MYLK: variants seen among roughly 807,000 people sequenced by gnomAD.
MYLK encodes the protein myosin light chain kinase.
In MYLK, 106 loss-of-function variants were observed where a neutral mutation model predicts 203.4. The observed-to-expected ratio is 0.52, with a 90% CI of 0.45 to 0.61. MYLK has a LOEUF of 0.61. Among genes scored for constraint, MYLK ranks in the 20% least tolerant of loss-of-function variants. The probability of loss-of-function intolerance (pLI) is 0.00; values close to 1 mark genes in which losing one functional copy is unlikely to be tolerated. For missense variants in MYLK, 2,072 were observed against 2,442.3 expected (o/e 0.85, Z 3.20); for synonymous variants, 867 against 959.5 (o/e 0.90, Z 1.78).
intron 2 of MYLK, among the ~76,000 whole-genome samples, chr3:123,856,865 C>G (rs1482617696): frequency 6.6e-6 from 1 of 151,926 alleles, no homozygotes; most frequent in Admixed American, 6.6e-5. Context: ...AAGCAACCTA[C>G]AAAATGGGAT....
At chr3:123,813,387 A>G (rs1329525598) in intron 3 of MYLK, among the ~76,000 whole-genome samples, 1 of 152,180 alleles carries the variant, frequency 6.6e-6, no homozygotes, top group Non-Finnish European at 1.5e-5. Context: ...CAGCTTGGGA[A>G]TAATTACCTT....
At chr3:123,671,110 T>C (rs1460991859) in intron 20 of MYLK, among the ~76,000 whole-genome samples, 1 of 152,226 alleles carries the variant, frequency 6.6e-6, no homozygotes, top group Non-Finnish European at 1.5e-5. Flanking sequence ...GTTAAAATAA[T>C]TTAAGGGGCT....
intron 29 of MYLK, among the ~76,000 whole-genome samples, chr3:123,635,181 G>A (rs972964746): frequency 6.6e-6 from 1 of 152,240 alleles, no homozygotes; most frequent in Admixed American, 6.5e-5. Context: ...GCCCTGACAG[G>A]GACTGCCCGA....
At chr3:123,853,865 G>A (rs192719284) in intron 2 of MYLK, among the ~76,000 whole-genome samples, 2 of 152,224 alleles carry the variant, frequency 1.3e-5, no homozygotes, top group Non-Finnish European at 2.9e-5. Flanking sequence ...AAGATGTGGA[G>A]TCTATTTCTC....
chr3:123,666,173 G>A (rs774115651), intron 22 of MYLK, 46 bp downstream of exon 22: 15 of 1,614,054 alleles, frequency 9.3e-6, no homozygotes, highest in South Asian at 7.7e-5. Context: ...AAGGCTGTAC[G>A]GATTATTCCC....
chr3:123,755,313 G>A (rs2063327934), intron 4 of MYLK, among the ~76,000 whole-genome samples: 1 of 152,192 alleles, frequency 6.6e-6, no homozygotes, highest in African/African-American at 2.4e-5. Flanking sequence ...TGATTAACTG[G>A]GGACATTGCA....
chr3:123,735,551 T>C, intron 8 of MYLK, 135 bp from the exon 9 acceptor site: 2 of 997,716 alleles, frequency 2.0e-6, no homozygotes, highest in Non-Finnish European at 1.6e-6. Context: ...CTGAACGTCT[T>C]TGGCCTTTGA....
intron 4 of MYLK, among the ~76,000 whole-genome samples, chr3:123,768,116 G>A (rs1454208275): frequency 2.0e-5 from 3 of 152,186 alleles, no homozygotes; most frequent in Admixed American, 2.0e-4. Flanking sequence ...GGGGAACCAG[G>A]ACAACCTGCA....
intron 24 of MYLK, among the ~76,000 whole-genome samples, chr3:123,656,099 A>G (rs1056410836): frequency 6.6e-6 from 1 of 152,164 alleles, no homozygotes; most frequent in African/African-American, 2.4e-5. Context: ...CCAGAGGCCC[A>G]TCTGATATGG....
chr3:123,878,248 A>C (rs1052729896), intron 1 of MYLK, among the ~76,000 whole-genome samples: 3 of 152,204 alleles, frequency 2.0e-5, no homozygotes. Flanking sequence ...GCCTCATCAG[A>C]TGAGTAGAGA....
Position 123,722,329 on chromosome 3 carries a change from G to T in MYLK, c.1652-49C>A, listed in dbSNP as rs1043685468. ...TCAGGCCAGGCAGCACTGGCAGTAG[G>T]GACGGGAGCCCTGTCCTCAGCAGGG... On this transcript the variant is annotated intron_variant, in intron 12 of 33. Transcript: ENST00000360304. 4.5e-6 allele frequency: 7 copies of T among 1,541,218 alleles called. No individual in the cohort carries two copies. The African/African-American group carries it at 5.5e-5, about 12-fold the overall frequency.
At chr3:123,854,397 C>T (rs2031157252) in intron 2 of MYLK, among the ~76,000 whole-genome samples, 1 of 152,038 alleles carries the variant, frequency 6.6e-6, no homozygotes, top group African/African-American at 2.4e-5. Flanking sequence ...CACCATCTTG[C>T]TATTGTTGCC....
chr3:123,637,567 C>T (rs1218753376), intron 29 of MYLK, among the ~76,000 whole-genome samples: 4 of 152,128 alleles, frequency 2.6e-5, no homozygotes, highest in Non-Finnish European at 4.4e-5. Flanking sequence ...ATTGAAGGCT[C>T]GATCATCAAT....
At chr3:123,715,201 T>A (rs1189345032) in intron 13 of MYLK, among the ~76,000 whole-genome samples, 1 of 152,216 alleles carries the variant, frequency 6.6e-6, no homozygotes, top group Non-Finnish European at 1.5e-5. Context: ...AAACTAAACA[T>A]GAAATGATCG....
At chr3:123,660,222 C>T (rs897297875) in intron 23 of MYLK, among the ~76,000 whole-genome samples, 1 of 152,184 alleles carries the variant, frequency 6.6e-6, no homozygotes, top group African/African-American at 2.4e-5. Flanking sequence ...GACCCTCGCT[C>T]CAGGGCTCAA....
chr3:123,753,900 A>T (rs1196615100), intron 4 of MYLK, among the ~76,000 whole-genome samples: 1 of 152,218 alleles, frequency 6.6e-6, no homozygotes. Context: ...GATACGGATG[A>T]AGCAAAATCA....
In MYLK at chr3:123,700,976, A is replaced by T; in HGVS notation, c.2492T>A (p.Leu831His). 1 of 1,607,596 alleles carries T rather than the reference A, an allele frequency of 6.2e-7. No individual in the cohort carries two copies. The highest frequency in any genetic ancestry group is 8.5e-7 in the Non-Finnish European group (1 of 1,179,968). Reference protein sequence around the residue: ...RGREPASCEDLCGGGVGADGG... With the variant: ...RGREPASCEDHCGGGVGADGG... ...ATCAGCACCAACTCCTCCACCACAG[A>T]GGTCCTCGCAGCTGGCAGGCTCCCT... The change falls in exon 18 of 34, where the codon CTC (leucine) becomes CAC (histidine). Residue 831 changes from leucine to histidine, a missense_variant. Physicochemically the swap from Leu to His is moderately conservative, Grantham distance 99. This residue lies in a region of MYLK where 865 missense variants were observed against 1,016.0 expected (regional missense o/e 0.85). Transcript: ENST00000360304.
intron 33 of MYLK, among the ~76,000 whole-genome samples, chr3:123,614,682 G>A (rs921114037): frequency 1.3e-5 from 2 of 152,130 alleles, no homozygotes. Flanking sequence ...AGGCTGGAGT[G>A]TAGTGGCATG....
Position 123,751,958 on chromosome 3 carries a change from G to A in MYLK, c.373+373C>T, listed in dbSNP as rs575142980. Among the ~76,000 whole-genome samples, 89 of 152,230 alleles carry A rather than the reference G, an allele frequency of 5.8e-4. 1 individual carries two copies. The highest frequency in any genetic ancestry group is 3.4e-3 in the Middle Eastern group (1 of 294). ...TCAAAGAAGGGCCAGAGGTGGGTGT[G>A]ACCACGGTGGGCTGAACAGGTGCAG... On this transcript the variant is annotated intron_variant, in intron 5 of 33. Coordinates refer to ENST00000360304, the MANE Select transcript of MYLK (RefSeq NM_053025.4).
Sources: allele counts gnomAD v4.1 joint callset (sites outside exome capture counted in the v4.1 genomes callset), GRCh38; gene constraint gnomAD v4.1.1; regional missense constraint gnomAD v4.1.1; transcripts MANE v1.5; gene names NCBI Gene and HGNC (gene_info 2026-07-23, HGNC 2026-07-21).